HDAC5: variants seen among roughly 807,000 people sequenced by gnomAD.
The protein encoded by HDAC5 is antigen NY-CO-9.
Under a neutral mutation model 133.3 loss-of-function variants are expected in HDAC5, and 25 were observed. The observed-to-expected ratio is 0.19, with a 90% CI of 0.14 to 0.26. The LOEUF (loss-of-function observed/expected upper bound fraction) is 0.26. Ranked by LOEUF, HDAC5 falls within the 10% of genes least tolerant of loss-of-function variation. The pLI is 1.00. For synonymous variants in HDAC5, 589 were observed against 610.8 expected (o/e 0.96, Z 0.53); for missense variants, 1,041 against 1,460.5 (o/e 0.71, Z 4.68).
At chr17:44,111,276 G>A in intron 2 of HDAC5, 1 of 303,360 alleles carries the variant, frequency 3.3e-6, no homozygotes, top group Non-Finnish European at 6.6e-6. Flanking sequence ...AGCAGTTGGG[G>A]GAGGGCCCTG....
intron 14 of HDAC5, 173 bp from the exon 15 acceptor site, chr17:44,085,328 T>A (rs1028412486): frequency 9.4e-5 from 10 of 106,712 alleles, no homozygotes; most frequent in Non-Finnish European, 1.9e-4. Context: ...CTCTCCAGCT[T>A]TTTTTTTTTT....
At chr17:44,106,282 T>C (rs1179259509) in intron 3 of HDAC5, among the ~76,000 whole-genome samples, 2 of 152,098 alleles carry the variant, frequency 1.3e-5, no homozygotes, top group Non-Finnish European at 2.9e-5. Context: ...TGGGCTAAAA[T>C]CCCCTCAGGG....
intron 1 of HDAC5, chr17:44,119,874 G>T (rs2052879897): frequency 1.3e-5 from 2 of 152,276 alleles, no homozygotes; most frequent in Non-Finnish European, 2.9e-5. Flanking sequence ...CTGTGTCCCA[G>T]ATGACCTAAC....
chr17:44,088,302 G>A, intron 12 of HDAC5, 85 bp downstream of exon 12: 17 of 1,492,418 alleles, frequency 1.1e-5, no homozygotes, highest in Non-Finnish European at 1.5e-5. Flanking sequence ...TGTCTGGCCT[G>A]AAAGGAGGAC....
intron 13 of HDAC5, among the ~76,000 whole-genome samples, chr17:44,087,029 G>A (rs1348473472): frequency 1.3e-5 from 2 of 151,648 alleles, no homozygotes; most frequent in Non-Finnish European, 2.9e-5. Flanking sequence ...CGGAGGGCTC[G>A]GCTGTGTCCG....
chr17:44,094,969 A>AT (rs1242894153), intron 3 of HDAC5, among the ~76,000 whole-genome samples: 1 of 151,882 alleles, frequency 6.6e-6, no homozygotes, highest in African/African-American at 2.4e-5. Flanking sequence ...CTAATTTTTA[A>AT]TTTTTTAGTA....
chr17:44,094,438 C>T (rs748399398), intron 3 of HDAC5, among the ~76,000 whole-genome samples: 17 of 151,850 alleles, frequency 1.1e-4, no homozygotes, highest in Non-Finnish European at 2.5e-4. Flanking sequence ...GAGATCAAGA[C>T]CATCCTGACT....
At position 44,077,788 on chromosome 17, in the gene HDAC5, C is replaced by T. The variant is rs995181706; in HGVS notation, c.*588G>A. The T allele has an allele frequency of 6.6e-6, 1 of 152,566 alleles. No homozygotes were observed. Among genetic ancestry groups the T allele is most frequent in the Non-Finnish European group, 1.5e-5 (1 of 68,182 alleles). 9.5% of individuals were successfully genotyped at this position (152,566 alleles called of 1,614,324 possible). On this transcript the variant is annotated 3_prime_UTR_variant, in exon 27 of 27. Coordinates refer to ENST00000682912, the MANE Select transcript of HDAC5 (RefSeq NM_005474.5). ...CAGGCCACAGCTTGGGCACCAGCCTCCCATCAGTGCTGAGACCAAGAGGAA... is the reference window on the plus strand; with the variant it reads ...CAGGCCACAGCTTGGGCACCAGCCTTCCATCAGTGCTGAGACCAAGAGGAA...
At chr17:44,103,145 G>A (rs1386980846) in intron 3 of HDAC5, among the ~76,000 whole-genome samples, 1 of 152,108 alleles carries the variant, frequency 6.6e-6, no homozygotes, top group Non-Finnish European at 1.5e-5. Context: ...GTCCTGGCCT[G>A]AGGGAGTTTG....
At position 44,077,721 on chromosome 17, in the gene HDAC5, G is replaced by A. The variant is rs1597916695; in HGVS notation, c.*655C>T. On this transcript the variant is annotated 3_prime_UTR_variant, in exon 27 of 27. Coordinates refer to ENST00000682912, the MANE Select transcript of HDAC5 (RefSeq NM_005474.5). ...CTCAGCCCCGGGGAAGGGGAAGTAG[G>A]CTGTGAGGAGTGTGAGGCAAGACAG... 4 of 152,360 alleles carry A rather than the reference G, an allele frequency of 2.6e-5. No homozygotes were observed. The East Asian group carries it at 5.8e-4, about 22-fold the overall frequency. The allele number at this position is 152,360 out of a possible 1,614,324, so 9.4% of individuals were successfully genotyped here. A position where few individuals can be genotyped will look rare whatever the true frequency, so the allele number is the denominator to read the frequency against.
chr17:44,091,127 A>AG, intron 11 of HDAC5, 143 bp downstream of exon 11: 1 of 715,456 alleles, frequency 1.4e-6, no homozygotes, highest in Non-Finnish European at 2.4e-6. Context: ...GGCATCCTGT[A>AG]GGTATCCCAT....
intron 11 of HDAC5, among the ~76,000 whole-genome samples, chr17:44,089,334 T>A (rs2050817183): frequency 6.6e-6 from 1 of 151,970 alleles, no homozygotes; most frequent in African/African-American, 2.4e-5. Flanking sequence ...GGCAGCTGGG[T>A]GCGGTGGCTC....
At chr17:44,086,890 G>A in intron 13 of HDAC5, 153 bp from the exon 14 acceptor site, 1 of 421,748 alleles carries the variant, frequency 2.4e-6, no homozygotes, top group Non-Finnish European at 3.9e-6. Flanking sequence ...TCCAGGGACA[G>A]GAGACACATC....
intron 3 of HDAC5, among the ~76,000 whole-genome samples, chr17:44,106,152 G>T (rs2051925037): frequency 6.6e-6 from 1 of 152,168 alleles, no homozygotes. Context: ...CAGCTGTGTG[G>T]CAGGGAAGGG....
chr17:44,093,194 C>A lies in HDAC5; in HGVS notation c.539G>T (p.Ser180Ile). 6.2e-7 allele frequency: 1 copy of A among 1,612,028 alleles called. No individual in the cohort carries two copies. The highest frequency in any genetic ancestry group is 1.1e-5 in the South Asian group (1 of 90,810). ...KEKSKESAIA[S>I]TEVKLRLQEF... ...CTGGAGCCTCAGCTTTACCTCAGTGCTGGCAATGGCACCTGCAGGACAGGG... is the reference window on the plus strand; with the variant it reads ...CTGGAGCCTCAGCTTTACCTCAGTGATGGCAATGGCACCTGCAGGACAGGG... The change falls in exon 6 of 27, where the codon AGC becomes ATC. Residue 180 changes from serine to isoleucine, a missense_variant. By Grantham distance (142) the Ser-to-Ile change is moderately radical. Transcript: ENST00000682912.
chr17:44,094,049 G>A (rs1051532269), intron 3 of HDAC5, among the ~76,000 whole-genome samples: 2 of 152,198 alleles, frequency 1.3e-5, no homozygotes, highest in African/African-American at 4.8e-5. Flanking sequence ...GGCTGAGCAC[G>A]GTGGCTCACA....
intron 14 of HDAC5, chr17:44,085,381 G>A: frequency 2.4e-6 from 1 of 412,322 alleles, no homozygotes; most frequent in Non-Finnish European, 4.4e-6. Flanking sequence ...GGCTGGAGTG[G>A]AGTGTGTAGT....
At chr17:44,093,906 G>T (rs1297695775) in intron 3 of HDAC5, 72 bp from the exon 4 acceptor site, 2 of 1,428,992 alleles carry the variant, frequency 1.4e-6, no homozygotes, top group Non-Finnish European at 1.8e-6. Flanking sequence ...AGGCCCAAAG[G>T]CTACCACGCA....
At chr17:44,094,027 T>G (rs904862590) in intron 3 of HDAC5, among the ~76,000 whole-genome samples, 193 bp from the exon 4 acceptor site, 1 of 152,160 alleles carries the variant, frequency 6.6e-6, no homozygotes, top group Non-Finnish European at 1.5e-5. Flanking sequence ...TGAACTTCAA[T>G]AGGAAAATAC....
Sources: allele counts gnomAD v4.1 joint callset (sites outside exome capture counted in the v4.1 genomes callset), GRCh38; gene constraint gnomAD v4.1.1; transcripts MANE v1.5; gene names NCBI Gene and HGNC (gene_info 2026-07-23, HGNC 2026-07-21).